The following BACH1 variants were observed in gnomAD, a reference collection of about 807,000 sequenced individuals.
BACH1 encodes BTB domain and CNC homolog 1.
Under a neutral mutation model 52.9 loss-of-function variants are expected in BACH1, and 35 were observed. That is an observed-to-expected ratio of 0.66 (90% CI 0.51 to 0.88). BACH1 has a LOEUF of 0.88. BACH1 is among the 40% of genes least tolerant of loss of function. The probability of loss-of-function intolerance (pLI) is 0.00; values close to 1 mark genes in which losing one functional copy is unlikely to be tolerated. For missense variants in BACH1, 808 were observed against 872.6 expected (o/e 0.93, Z 0.93); for synonymous variants, 321 against 319.6 (o/e 1.00, Z -0.05).
At chr21:29,331,257 TAC>T (rs2088978533) in intron 4 of BACH1, among the ~76,000 whole-genome samples, 1 of 152,234 alleles carries the variant, frequency 6.6e-6, no homozygotes, top group Admixed American at 6.5e-5. Flanking sequence ...AAAATTGTAC[TAC>T]TGAAGTTCTT....
intron 3 of BACH1, among the ~76,000 whole-genome samples, chr21:29,328,597 T>C (rs771208012): frequency 2.0e-5 from 3 of 152,188 alleles, no homozygotes; most frequent in Non-Finnish European, 4.4e-5. Flanking sequence ...AAATTTTAAG[T>C]GTACGATACA....
chr21:29,346,503 G>A (rs989969772), downstream of BACH1, among the ~76,000 whole-genome samples: 7 of 152,144 alleles, frequency 4.6e-5, no homozygotes, highest in African/African-American at 1.4e-4. Context: ...GCTGCTCAGC[G>A]GTATTGGCCA....
intron 1 of BACH1, among the ~76,000 whole-genome samples, chr21:29,317,495 T>C (rs1441737351): frequency 1.3e-5 from 2 of 151,966 alleles, no homozygotes; most frequent in Non-Finnish European, 2.9e-5. Context: ...CTGAAATCAG[T>C]AGGAGCTTGG....
chr21:29,327,332 ACT>A lies in BACH1; in HGVS notation c.1511_1512del (p.Ser504Ter). 1.2e-6 allele frequency: 2 copies of A among 1,614,158 alleles called. No individual in the cohort carries two copies. The highest frequency in any genetic ancestry group is 1.7e-6 in the Non-Finnish European group (2 of 1,180,032). ...GCTTGTGTCATTAGCTTGGGAGACGACTCTGAGACGGACACCGAAGGAGACAG... is the reference window on the plus strand; with the variant it reads ...GCTTGTGTCATTAGCTTGGGAGACGACTGAGACGGACACCGAAGGAGACAG... On this transcript the variant is annotated frameshift_variant, in exon 3 of 5. Coordinates refer to ENST00000286800, the MANE Select transcript of BACH1 (RefSeq NM_001186.4). LOFTEE classifies it high-confidence loss of function.
intron 2 of BACH1, among the ~76,000 whole-genome samples, chr21:29,354,614 C>G (rs1280891907): frequency 6.6e-6 from 1 of 152,172 alleles, no homozygotes; most frequent in Non-Finnish European, 1.5e-5. Flanking sequence ...CCCCAGGTTC[C>G]TTTCTTGAAC....
chr21:29,303,371 C>G (rs1368169462), intron 1 of BACH1, among the ~76,000 whole-genome samples: 1 of 152,170 alleles, frequency 6.6e-6, no homozygotes, highest in Non-Finnish European at 1.5e-5. Context: ...GTTTTATCTC[C>G]TATGGCACTC....
chr21:29,317,187 TA>T (rs1037726279), intron 1 of BACH1, among the ~76,000 whole-genome samples: 3 of 152,236 alleles, frequency 2.0e-5, no homozygotes, highest in African/African-American at 7.2e-5. Flanking sequence ...AGTTTCATCC[TA>T]AAACCATTGC....
Position 29,321,333 on chromosome 21 carries a change from C to A in BACH1, c.53C>A (p.Thr18Asn), listed in dbSNP as rs2088845211. 1 of 1,614,216 alleles carries A rather than the reference C, an allele frequency of 6.2e-7. No individual in the cohort carries two copies. ...GCCTATGAATCTTCTGTGCATAGCA[C>A]CAATGTTTTACTCAGCCTTAATGAC... Reference protein sequence around the residue: ...VFAYESSVHSTNVLLSLNDQR... With the variant: ...VFAYESSVHSNNVLLSLNDQR... Residue 18 changes from threonine (T) to asparagine (N), a missense_variant, in exon 2 of 5, where the codon ACC becomes AAC. Thr to Asn is a moderately conservative substitution (Grantham distance 65). Transcript: ENST00000286800.
intron 2 of BACH1, among the ~76,000 whole-genome samples, chr21:29,359,709 C>T (rs915838173): frequency 6.6e-6 from 1 of 151,918 alleles, no homozygotes; most frequent in South Asian, 2.1e-4. Context: ...CAAAGAAAAA[C>T]AATAAAAATA....
chr21:29,357,046 T>A (rs530896110), intron 2 of BACH1, among the ~76,000 whole-genome samples: 1 of 152,364 alleles, frequency 6.6e-6, no homozygotes, highest in African/African-American at 2.4e-5. Flanking sequence ...TGATATTTAA[T>A]GGGCGTTCCC....
intron 4 of BACH1, among the ~76,000 whole-genome samples, chr21:29,334,734 C>T (rs1601362623): frequency 6.6e-6 from 1 of 152,238 alleles, no homozygotes; most frequent in East Asian, 1.9e-4. Context: ...GTTCAGACAC[C>T]ATTTTATTTC....
At chr21:29,319,762 A>G (rs1470299629) in intron 1 of BACH1, among the ~76,000 whole-genome samples, 2 of 149,590 alleles carry the variant, frequency 1.3e-5, no homozygotes, top group South Asian at 4.3e-4. Context: ...GTGGTCAGCC[A>G]TGGAGTCCGG....
chr21:29,323,927 C>A (rs1349386898), intron 2 of BACH1, among the ~76,000 whole-genome samples: 2 of 152,086 alleles, frequency 1.3e-5, no homozygotes, highest in Non-Finnish European at 2.9e-5. Context: ...ATAATTTTAT[C>A]CCCTGCGAAG....
At chr21:29,300,856 A>T (rs905206884) in intron 1 of BACH1, 1 of 152,242 alleles carries the variant, frequency 6.6e-6, no homozygotes, top group African/African-American at 2.4e-5. Flanking sequence ...GGGTGGAATT[A>T]ATAGGTCTCA....
At chr21:29,336,267 T>C (rs1409734465) in intron 4 of BACH1, among the ~76,000 whole-genome samples, 1 of 152,228 alleles carries the variant, frequency 6.6e-6, no homozygotes, top group Non-Finnish European at 1.5e-5. Flanking sequence ...TTAAGTCATT[T>C]CTCCATCCCT....
intron 1 of BACH1, among the ~76,000 whole-genome samples, chr21:29,317,355 A>C (rs1601347038): frequency 1.3e-5 from 2 of 152,222 alleles, no homozygotes; most frequent in East Asian, 3.8e-4. Context: ...CAGGTCCAAC[A>C]GGTATGCTTG....
intron 1 of BACH1, among the ~76,000 whole-genome samples, chr21:29,310,257 G>A (rs755434558): frequency 8.6e-5 from 13 of 151,962 alleles, no homozygotes; most frequent in Non-Finnish European, 1.9e-4. Flanking sequence ...TTTAACCAAG[G>A]CACATTTTTT....
Position 29,329,609 on chromosome 21 carries a change from A to T in BACH1, c.1692A>T (p.Arg564Ser). Residue 564 changes from arginine to serine, a missense_variant, in exon 4 of 5, where the codon AGA (arginine) becomes AGT (serine). By Grantham distance (110) the Arg-to-Ser change is moderately radical. Coordinates refer to ENST00000286800, the MANE Select transcript of BACH1 (RefSeq NM_001186.4). Reference sequence around the variant, plus strand: ...ATTGTATCCATGATATTCGAAGAAGAAGTAAAAACAGAATTGCTGCACAGC... The same window carrying T: ...ATTGTATCCATGATATTCGAAGAAGTAGTAAAAACAGAATTGCTGCACAGC... ...QLDCIHDIRR[R>S]SKNRIAAQRC... The T allele has an allele frequency of 6.2e-7, 1 of 1,606,056 alleles. No individual in the cohort carries two copies. Among genetic ancestry groups the T allele is most frequent in the Non-Finnish European group, 8.5e-7 (1 of 1,177,246 alleles).
chr21:29,317,732 G>A (rs2088804828), intron 1 of BACH1, among the ~76,000 whole-genome samples: 1 of 152,142 alleles, frequency 6.6e-6, no homozygotes, highest in South Asian at 2.1e-4. Flanking sequence ...AGGGGTATAA[G>A]GCTTTTGTTA....
Sources: gnomAD v4.1 joint callset for allele counts (sites outside exome capture counted in the v4.1 genomes callset) on GRCh38, gnomAD v4.1.1 for gene constraint, MANE v1.5 for transcripts, NCBI Gene and HGNC (gene_info 2026-07-23, HGNC 2026-07-21) for gene names.